KCNN1: variants seen among roughly 807,000 people sequenced by gnomAD.
KCNN1 encodes potassium calcium-activated channel subfamily N member 1.
In KCNN1, 20 loss-of-function variants were observed where a neutral mutation model predicts 44.7. The ratio of observed to expected loss-of-function variants is 0.45; its 90% CI spans 0.32 to 0.65. The LOEUF (loss-of-function observed/expected upper bound fraction) is 0.65, where lower values mean the gene tolerates loss of function less well. Among genes scored for constraint, KCNN1 ranks in the 30% least tolerant of loss-of-function variants. The pLI is 0.05. For synonymous variants in KCNN1, 324 were observed against 341.7 expected (o/e 0.95, Z 0.57); for missense variants, 632 against 785.3 (o/e 0.80, Z 2.33).
chr19:17,989,622 A>G (rs1026915889), intron 6 of KCNN1, 94 bp from the exon 7 acceptor site: 3 of 1,578,016 alleles, frequency 1.9e-6, no homozygotes, highest in Non-Finnish European at 2.6e-6. Context: ...GCATTTCCAG[A>G]AGTTTCTAGA....
chr19:17,974,418 G>A lies in KCNN1; in HGVS notation c.402+128G>A, dbSNP rs1235818150. ...AGTGTTAGGGGGCTCCCGGAGGTGAGGGCTCCCTGGCCTTCTGCATACCCA... is the reference window on the plus strand; with the variant it reads ...AGTGTTAGGGGGCTCCCGGAGGTGAAGGCTCCCTGGCCTTCTGCATACCCA... On this transcript the variant is annotated intron_variant, in intron 2 of 9. Coordinates refer to ENST00000684775, the MANE Select transcript of KCNN1 (RefSeq NM_001386974.1). This position sits in a 1 kb window ranked among gnomAD's most constrained non-coding sequence, Gnocchi z 7.3. 8 of 1,065,650 alleles carry A rather than the reference G, an allele frequency of 7.5e-6. No homozygotes were observed. The highest frequency in any genetic ancestry group is 4.9e-5 in the African/African-American group (3 of 61,608). 66.0% of individuals were successfully genotyped at this position (1,065,650 alleles called of 1,614,324 possible).
chr19:17,967,159 C>G lies in KCNN1; in HGVS notation c.-240C>G, dbSNP rs1170452868. On this transcript the variant is annotated 5_prime_UTR_variant, in exon 1 of 10. Transcript: ENST00000684775. Reference sequence around the variant, plus strand: ...GACTGGGCGGCGGGGGATGCGCCTGCCGCCGCCGCCCCCGGCCCCGCCGCC... The same window carrying G: ...GACTGGGCGGCGGGGGATGCGCCTGGCGCCGCCGCCCCCGGCCCCGCCGCC... The G allele has an allele frequency of 1.3e-5, 12 of 955,732 alleles. No individual in the cohort carries two copies. The highest frequency in any genetic ancestry group is 1.8e-5 in the African/African-American group (1 of 56,284). 59.2% of individuals were successfully genotyped at this position (955,732 alleles called of 1,614,324 possible).
chr19:17,965,098 C>G (rs910551475), upstream of KCNN1, among the ~76,000 whole-genome samples: 1 of 152,010 alleles, frequency 6.6e-6, no homozygotes, highest in East Asian at 1.9e-4. Context: ...AACCCCGTCT[C>G]TACTAAAATT....
intron 2 of KCNN1, among the ~76,000 whole-genome samples, chr19:17,957,155 GA>G (rs1321415156): frequency 8.4e-6 from 1 of 118,610 alleles, no homozygotes; most frequent in Non-Finnish European, 1.8e-5. Flanking sequence ...GGGAGAGAGA[GA>G]AAAAAAGGAG....
At chr19:17,961,059 G>C (rs764001157) in intron 2 of KCNN1, among the ~76,000 whole-genome samples, 1 of 151,528 alleles carries the variant, frequency 6.6e-6, no homozygotes, top group Non-Finnish European at 1.5e-5. Context: ...GGTGGTGCGC[G>C]TCTGTAATCT....
chr19:17,994,091 G>T (rs2032899160), intron 9 of KCNN1, among the ~76,000 whole-genome samples: 1 of 152,060 alleles, frequency 6.6e-6, no homozygotes, highest in Non-Finnish European at 1.5e-5. Context: ...TTGGGAGAAA[G>T]CTTTGTATAA....
chr19:17,977,518 T>C (rs2032245934), intron 3 of KCNN1, among the ~76,000 whole-genome samples: 1 of 151,876 alleles, frequency 6.6e-6, no homozygotes, highest in Non-Finnish European at 1.5e-5. Context: ...TTTTTAAATT[T>C]TTTGCTTTTT....
intron 1 of KCNN1, among the ~76,000 whole-genome samples, chr19:17,952,983 C>A (rs1197481435): frequency 2.0e-5 from 3 of 152,162 alleles, no homozygotes; most frequent in African/African-American, 7.2e-5. Flanking sequence ...GGGAGGTCAG[C>A]TTTGGGATCC....
At chr19:17,963,726 T>A (rs2031735968), upstream of KCNN1, among the ~76,000 whole-genome samples, 1 of 82,596 alleles carries the variant, frequency 1.2e-5, no homozygotes, top group Admixed American at 1.1e-4. Flanking sequence ...CTTCTGATAC[T>A]TTTTTTTTTT....
rs372233603 is a variant in KCNN1, at chr19:17,974,328, C to T, written c.402+38C>T. 243 of 1,509,804 alleles carry T rather than the reference C, an allele frequency of 1.6e-4. No homozygotes were observed. Among genetic ancestry groups the T allele is most frequent in the African/African-American group, 2.1e-4 (15 of 71,390 alleles). 93.5% of individuals were successfully genotyped at this position (1,509,804 alleles called of 1,614,324 possible). A position where few individuals can be genotyped will look rare whatever the true frequency, so the allele number is the denominator to read the frequency against. ...CTCCCCCAGGCACTCCAGGGAGGTTCCACCAAGCCCGCCTAGCTTTCTTGA... is the reference window on the plus strand; with the variant it reads ...CTCCCCCAGGCACTCCAGGGAGGTTTCACCAAGCCCGCCTAGCTTTCTTGA... On this transcript the variant is annotated intron_variant, in intron 2 of 9. Coordinates refer to ENST00000684775, the MANE Select transcript of KCNN1 (RefSeq NM_001386974.1). This position sits in a 1 kb window ranked among gnomAD's most constrained non-coding sequence, Gnocchi z 7.3.
chr19:17,984,332 C>T lies in KCNN1; in HGVS notation c.918-980C>T, dbSNP rs543484518. Among the ~76,000 whole-genome samples the T allele has an allele frequency of 2.0e-5, 3 of 152,290 alleles. No individual in the cohort carries two copies. In the South Asian group the frequency reaches 6.2e-4, roughly 32 times the overall value. ...TTCCCTCTGGAGCCTGACCCCAGCC[C>T]TATCCTTGGGCTGTGTCACCCACTG... On this transcript the variant is annotated intron_variant, in intron 4 of 9. Coordinates refer to ENST00000684775, the MANE Select transcript of KCNN1 (RefSeq NM_001386974.1).
In KCNN1 at chr19:17,998,156, A is replaced by G; in HGVS notation, c.1382A>G (p.Gln461Arg). The change falls in exon 10 of 10, where the codon CAG (glutamine) becomes CGG (arginine). Residue 461 changes from glutamine to arginine, a missense_variant. By Grantham distance (43) the Gln-to-Arg change is conservative. This residue lies in a region of KCNN1 where 237 missense variants were observed against 253.0 expected (regional missense o/e 0.94). Transcript: ENST00000684775. This position sits in a 1 kb window ranked among gnomAD's most constrained non-coding sequence, Gnocchi z 5.4. ...ANTLTDLAKT[Q>R]TVMYDLVSEL... Reference sequence around the variant, plus strand: ...GCCCCTCTCTGTCTCCCGCAGACCCAGACCGTCATGTACGACCTTGTATCG... The same window carrying G: ...GCCCCTCTCTGTCTCCCGCAGACCCGGACCGTCATGTACGACCTTGTATCG... 1 of 1,591,798 alleles carries G rather than the reference A, an allele frequency of 6.3e-7. No individual in the cohort carries two copies.
rs2031841740 is a variant in KCNN1, at chr19:17,967,175, C to A, written c.-224C>A. The stretch of plus-strand genomic sequence containing the variant: ...ATGCGCCTGCCGCCGCCGCCCCCGG[C>A]CCCGCCGCCCCCGGGCCCCGCGCCC... On this transcript the variant is annotated 5_prime_UTR_variant, in exon 1 of 10. Transcript: ENST00000684775. 1 of 920,982 alleles carries A rather than the reference C, an allele frequency of 1.1e-6. No individual in the cohort carries two copies. The highest frequency in any genetic ancestry group is 1.3e-6 in the Non-Finnish European group (1 of 773,508). 57.1% of individuals were successfully genotyped at this position (920,982 alleles called of 1,614,324 possible).
chr19:17,992,216 G>A (rs1282169176), intron 7 of KCNN1, among the ~76,000 whole-genome samples: 3 of 151,478 alleles, frequency 2.0e-5, no homozygotes, highest in Admixed American at 1.3e-4. Context: ...CCAGCTACTC[G>A]GAAGGCTGAG....
chr19:17,959,943 C>T (rs2031639379), intron 2 of KCNN1, among the ~76,000 whole-genome samples: 1 of 151,616 alleles, frequency 6.6e-6, no homozygotes, highest in Non-Finnish European at 1.5e-5. Flanking sequence ...ATTAGCCGAG[C>T]GTGATGGTGG....
intron 2 of KCNN1, among the ~76,000 whole-genome samples, chr19:17,959,165 T>C (rs1874908383): frequency 6.6e-6 from 1 of 151,792 alleles, no homozygotes; most frequent in African/African-American, 2.4e-5. Context: ...GCTGGGATTA[T>C]ACGCGTGCGC....
chr19:17,973,850 G>T lies in KCNN1; in HGVS notation c.-39G>T. 6.5e-7 allele frequency: 1 copy of T among 1,541,452 alleles called. No homozygotes were observed. On this transcript the variant is annotated 5_prime_UTR_variant, in exon 2 of 10. Transcript: ENST00000684775. Reference sequence around the variant, plus strand: ...GCCGCTGAGCCATGCCGGGCCCCGGGCGGCCTGCAGCGAGCCCAACCCCTG... The same window carrying T: ...GCCGCTGAGCCATGCCGGGCCCCGGTCGGCCTGCAGCGAGCCCAACCCCTG...
chr19:17,981,962 T>A lies in KCNN1; in HGVS notation c.752T>A (p.Ile251Asn). Residue 251 changes from isoleucine (I) to asparagine (N), a missense_variant, in exon 4 of 10, where the codon ATC becomes AAC. Physicochemically the swap from Ile to Asn is moderately radical, Grantham distance 149. Transcript: ENST00000684775. ...LGRVMLLHSK[I>N]FTDASSRSIG... ...CGGGTGATGCTACTGCACAGCAAAA[T>A]CTTCACGGACGCCTCGAGCCGCAGC... 1 of 1,610,502 alleles carries A rather than the reference T, an allele frequency of 6.2e-7. No individual in the cohort carries two copies. Among genetic ancestry groups the A allele is most frequent in the Non-Finnish European group, 8.5e-7 (1 of 1,178,694 alleles).
intron 3 of KCNN1, among the ~76,000 whole-genome samples, chr19:17,975,620 C>T (rs561126731): frequency 6.6e-6 from 1 of 151,918 alleles, no homozygotes; most frequent in East Asian, 1.9e-4. Flanking sequence ...GGGATTTCAC[C>T]ATGTTGGCCA....
Sources: allele counts gnomAD v4.1 joint callset (sites outside exome capture counted in the v4.1 genomes callset), GRCh38; gene constraint gnomAD v4.1.1; regional missense constraint gnomAD v4.1.1; non-coding constraint Gnocchi (gnomAD v3.1); transcripts MANE v1.5; gene names NCBI Gene and HGNC (gene_info 2026-07-23, HGNC 2026-07-21).